The following NFATC2 variants were observed in gnomAD, a reference collection of about 807,000 sequenced individuals.
NFATC2 encodes the protein nuclear factor of activated T-cells, cytoplasmic 2.
A neutral mutation model predicts 87.3 loss-of-function variants in NFATC2; 22 were observed. That is an observed-to-expected ratio of 0.25 (90% CI 0.18 to 0.36). The LOEUF (loss-of-function observed/expected upper bound fraction) is 0.36, where lower values mean the gene tolerates loss of function less well. NFATC2 is among the 10% of genes least tolerant of loss of function. The pLI, the probability that NFATC2 is intolerant of heterozygous loss-of-function variation, is 1.00. For missense variants in NFATC2, 1,149 were observed against 1,259.1 expected, an observed-to-expected ratio of 0.91 and a Z score of 1.32; for synonymous variants, 565 against 542.2, an observed-to-expected ratio of 1.04 and a Z score of -0.58.
intron 2 of NFATC2, among the ~76,000 whole-genome samples, chr20:51,517,184 G>A (rs898317427): frequency 3.3e-5 from 5 of 152,104 alleles, no homozygotes; most frequent in African/African-American, 1.2e-4. Context: ...GTGGCTCCTA[G>A]GCTACAAACC....
chr20:51,552,721 TCTGCAGGA>T (rs1395635828), intron 1 of NFATC2, among the ~76,000 whole-genome samples: 7 of 152,194 alleles, frequency 4.6e-5, no homozygotes, highest in African/African-American at 1.7e-4. Context: ...AAGTCACAGG[TCTGCAGGA>T]GCTCCACCAA....
intron 6 of NFATC2, among the ~76,000 whole-genome samples, chr20:51,453,515 A>C (rs1986054735): frequency 6.6e-6 from 1 of 152,260 alleles, no homozygotes. Context: ...TAGTATCCAA[A>C]ATAAGTGTCC....
intron 3 of NFATC2, among the ~76,000 whole-genome samples, chr20:51,495,042 C>G (rs1437746335): frequency 2.0e-5 from 3 of 152,188 alleles, no homozygotes; most frequent in Non-Finnish European, 4.4e-5. Context: ...AAAGTAAGAA[C>G]CAACCCAGCT....
chr20:51,456,115 G>C lies in NFATC2; in HGVS notation c.1709-1427C>G, dbSNP rs558710213. Among the ~76,000 whole-genome samples, 7 of 128,350 alleles carry C rather than the reference G, an allele frequency of 5.5e-5. No individual in the cohort carries two copies. In the South Asian group the frequency reaches 2.0e-3, roughly 38 times the overall value. 84.2% of individuals were successfully genotyped at this position (128,350 alleles called of 152,430 possible). A position where few individuals can be genotyped will look rare whatever the true frequency, so the allele number is the denominator to read the frequency against. On this transcript the variant is annotated intron_variant, in intron 5 of 10. Coordinates refer to ENST00000371564, the MANE Select transcript of NFATC2 (RefSeq NM_012340.5). ...GGGTGTGTGGATGGGTGGGTGGGTG[G>C]ACAGATGGGTGGGTGAGTGGATGGA...
chr20:51,555,235 A>G (rs1001959608), intron 1 of NFATC2, among the ~76,000 whole-genome samples: 1 of 151,928 alleles, frequency 6.6e-6, no homozygotes, highest in African/African-American at 2.4e-5. Context: ...ACCACATACC[A>G]CTGCTGCTGA....
chr20:51,518,510 T>C (rs1200701558), intron 2 of NFATC2, among the ~76,000 whole-genome samples: 1 of 152,222 alleles, frequency 6.6e-6, no homozygotes, highest in Non-Finnish European at 1.5e-5. Flanking sequence ...TCCCCTTCTT[T>C]CCAACCACAT....
chr20:51,498,085 A>C (rs1164753259), intron 3 of NFATC2, among the ~76,000 whole-genome samples: 1 of 152,150 alleles, frequency 6.6e-6, no homozygotes, highest in African/African-American at 2.4e-5. Context: ...AGCCCAATTC[A>C]TGTTGGCCAC....
At chr20:51,465,311 C>T (rs1987572114) in intron 5 of NFATC2, among the ~76,000 whole-genome samples, 1 of 152,150 alleles carries the variant, frequency 6.6e-6, no homozygotes, top group South Asian at 2.1e-4. Context: ...ACCTGGGAGA[C>T]AGAGGCTGCA....
intron 3 of NFATC2, among the ~76,000 whole-genome samples, chr20:51,485,464 G>T (rs913352471): frequency 6.6e-6 from 1 of 152,100 alleles, no homozygotes; most frequent in Non-Finnish European, 1.5e-5. Flanking sequence ...AGCTGGGTCT[G>T]GAAGTATGGG....
At chr20:51,459,418 A>C (rs1986905236) in intron 5 of NFATC2, among the ~76,000 whole-genome samples, 1 of 152,148 alleles carries the variant, frequency 6.6e-6, no homozygotes. Context: ...GTGCCTGCTA[A>C]TACGTGAGGC....
chr20:51,396,111 GA>G lies in NFATC2; in HGVS notation c.*44+2531del, dbSNP rs888398669. ...ATATATATAAGCTAATGGCAAAGAA[GA>G]AAAAGCAGGGTGTTCTCTTTGCCTG... On this transcript the variant is annotated intron_variant, in intron 10 of 10. Coordinates refer to ENST00000371564, the MANE Select transcript of NFATC2 (RefSeq NM_012340.5). Among the ~76,000 whole-genome samples the G allele has an allele frequency of 4.4e-5, 6 of 135,430 alleles. No homozygotes were observed. The Admixed American group carries it at 4.7e-4, about 11-fold the overall frequency. 88.8% of individuals were successfully genotyped at this position (135,430 alleles called of 152,430 possible). A position where few individuals can be genotyped will look rare whatever the true frequency, so the allele number is the denominator to read the frequency against.
At chr20:51,396,095 A>C (rs887443793) in intron 10 of NFATC2, among the ~76,000 whole-genome samples, 2 of 115,606 alleles carry the variant, frequency 1.7e-5, no homozygotes, top group African/African-American at 6.4e-5. Context: ...TATATATATA[A>C]GCTAATGGCA....
intron 1 of NFATC2, among the ~76,000 whole-genome samples, chr20:51,540,663 T>TTTTTTTCTTTGTTTG (rs1555818358): frequency 7.4e-6 from 1 of 135,692 alleles, no homozygotes; most frequent in African/African-American, 2.8e-5. Flanking sequence ...TTTTTGTTTT[T>TTTTTTTCTTTGTTTG]TTTTTTTTGA....
intron 9 of NFATC2, among the ~76,000 whole-genome samples, chr20:51,412,562 T>C (rs1175154674): frequency 2.0e-5 from 3 of 152,084 alleles, no homozygotes; most frequent in Non-Finnish European, 4.4e-5. Flanking sequence ...AGAAACAGCC[T>C]GTAACCACAG....
chr20:51,397,696 C>T (rs962626912), intron 10 of NFATC2, among the ~76,000 whole-genome samples: 2 of 152,134 alleles, frequency 1.3e-5, no homozygotes, highest in Non-Finnish European at 2.9e-5. Context: ...TGCTCCTCCC[C>T]CCAGGGCTTC....
chr20:51,401,421 GAAGAGA>G (rs1479511436), intron 9 of NFATC2, among the ~76,000 whole-genome samples: 3 of 152,100 alleles, frequency 2.0e-5, no homozygotes, highest in Non-Finnish European at 4.4e-5. Flanking sequence ...AAAGAAGATG[GAAGAGA>G]AAGAGACAAA....
chr20:51,538,468 A>G (rs1944270372), intron 1 of NFATC2, among the ~76,000 whole-genome samples: 1 of 152,232 alleles, frequency 6.6e-6, no homozygotes, highest in Admixed American at 6.5e-5. Context: ...GTCCTCCTCC[A>G]AGGCAAGGAT....
chr20:51,509,343 G>A (rs1267002040), intron 3 of NFATC2, among the ~76,000 whole-genome samples: 1 of 152,116 alleles, frequency 6.6e-6, no homozygotes, highest in Non-Finnish European at 1.5e-5. Context: ...AGCTCCACAG[G>A]GCCAGGGATT....
intron 3 of NFATC2, among the ~76,000 whole-genome samples, chr20:51,499,241 C>T (rs1009823463): frequency 6.6e-6 from 1 of 152,124 alleles, no homozygotes; most frequent in African/African-American, 2.4e-5. Context: ...CAAGTGGAGG[C>T]AGGGAAACCA....
Sources: gnomAD v4.1 joint callset for allele counts (sites outside exome capture counted in the v4.1 genomes callset) on GRCh38, gnomAD v4.1.1 for gene constraint, MANE v1.5 for transcripts, NCBI Gene and HGNC (gene_info 2026-07-23, HGNC 2026-07-21) for gene names.